The following TMEM178B variants were observed in gnomAD, a reference collection of about 807,000 sequenced individuals.
TMEM178B encodes the protein transmembrane protein 178B.
A neutral mutation model predicts 31.0 loss-of-function variants in TMEM178B; 5 were observed. The ratio of observed to expected loss-of-function variants is 0.16; its 90% confidence interval spans 0.08 to 0.34. The LOEUF is 0.34. Ranked by LOEUF, TMEM178B falls within the 10% of genes least tolerant of loss-of-function variation. The pLI is 1.00. For missense variants in TMEM178B, 275 were observed against 400.3 expected (o/e 0.69, Z 2.67); for synonymous variants, 164 against 164.0 (o/e 1.00, Z 0.00).
intron 2 of TMEM178B, among the ~76,000 whole-genome samples, chr7:141,297,796 G>T (rs770145475): frequency 5.3e-5 from 8 of 152,154 alleles, no homozygotes; most frequent in Non-Finnish European, 1.0e-4. Flanking sequence ...TTGCTATTGT[G>T]AATAGTGCTG....
intron 1 of TMEM178B, among the ~76,000 whole-genome samples, chr7:141,205,141 T>C (rs1283684120): frequency 6.6e-6 from 1 of 152,192 alleles, no homozygotes; most frequent in East Asian, 1.9e-4. Context: ...CGATAAACTC[T>C]GTCTAGTGCT....
At chr7:141,380,230 G>A (rs1422096799) in intron 2 of TMEM178B, among the ~76,000 whole-genome samples, 2 of 152,192 alleles carry the variant, frequency 1.3e-5, no homozygotes, top group African/African-American at 4.8e-5. Context: ...ATAGCTCTTA[G>A]TGAGGGACAG....
At chr7:141,085,207 G>A (rs1794761015) in intron 1 of TMEM178B, among the ~76,000 whole-genome samples, 1 of 147,868 alleles carries the variant, frequency 6.8e-6, no homozygotes, top group South Asian at 2.1e-4. Context: ...ATGTTGGCCA[G>A]GCTGGTCTCG....
chr7:141,192,567 C>G (rs374709955), intron 1 of TMEM178B, among the ~76,000 whole-genome samples: 9 of 151,626 alleles, frequency 5.9e-5, no homozygotes, highest in East Asian at 5.9e-4. Context: ...TGGCTCGTTG[C>G]CAAGCTCTTG....
intron 2 of TMEM178B, among the ~76,000 whole-genome samples, chr7:141,300,598 C>T (rs1181315316): frequency 1.3e-5 from 2 of 152,182 alleles, no homozygotes; most frequent in Non-Finnish European, 2.9e-5. Context: ...CCTTCCACCT[C>T]TTAGTTTCTC....
At chr7:141,366,548 G>T (rs913765477) in intron 2 of TMEM178B, among the ~76,000 whole-genome samples, 2 of 152,266 alleles carry the variant, frequency 1.3e-5, no homozygotes, top group East Asian at 3.9e-4. Context: ...TTGGGGAGGG[G>T]CTTCTTTGCA....
chr7:141,488,782 T>C, the TMEM178B span, among the ~76,000 whole-genome samples: 6 of 152,014 alleles, frequency 3.9e-5, no homozygotes, highest in African/African-American at 1.4e-4. Context: ...TACTGAAGAC[T>C]TTTCTGAAAC....
the TMEM178B span, among the ~76,000 whole-genome samples, chr7:141,497,580 C>T: frequency 6.6e-6 from 1 of 152,158 alleles, no homozygotes; most frequent in East Asian, 1.9e-4. Flanking sequence ...AGTCTGGTAT[C>T]ATTTTGGCTT....
At chr7:141,411,963 C>T (rs761761852) in intron 2 of TMEM178B, among the ~76,000 whole-genome samples, 3 of 152,156 alleles carry the variant, frequency 2.0e-5, no homozygotes, top group African/African-American at 4.8e-5. Flanking sequence ...AAACCGTATT[C>T]TCCCTGGGTC....
chr7:141,411,742 C>T (rs566111112), intron 2 of TMEM178B, among the ~76,000 whole-genome samples: 28 of 152,274 alleles, frequency 1.8e-4, no homozygotes, highest in African/African-American at 4.1e-4. Context: ...AAACAATCAG[C>T]GCAAACTCGC....
intron 2 of TMEM178B, among the ~76,000 whole-genome samples, chr7:141,395,496 CAG>C (rs1325987212): frequency 6.6e-6 from 1 of 152,122 alleles, no homozygotes. Flanking sequence ...GCTCAGTTTC[CAG>C]AGTTTCCTTG....
chr7:141,220,594 C>A (rs767739586), intron 2 of TMEM178B, among the ~76,000 whole-genome samples: 1 of 152,220 alleles, frequency 6.6e-6, no homozygotes, highest in Middle Eastern at 3.4e-3. Flanking sequence ...AAAACATCCA[C>A]GTCCTGAACA....
intron 1 of TMEM178B, among the ~76,000 whole-genome samples, chr7:141,159,641 G>A (rs974564310): frequency 2.0e-5 from 3 of 152,288 alleles, no homozygotes; most frequent in Admixed American, 1.3e-4. Flanking sequence ...AAATTCTGAC[G>A]CACGCTACAA....
At chr7:141,153,199 T>A (rs977477962) in intron 1 of TMEM178B, among the ~76,000 whole-genome samples, 3 of 152,258 alleles carry the variant, frequency 2.0e-5, no homozygotes, top group Non-Finnish European at 2.9e-5. Flanking sequence ...TGTGTATTTT[T>A]TTTAAACAAA....
chr7:141,384,270 G>A (rs2116592898), intron 2 of TMEM178B, among the ~76,000 whole-genome samples: 1 of 152,282 alleles, frequency 6.6e-6, no homozygotes, highest in Non-Finnish European at 1.5e-5. Flanking sequence ...TGCTTTTGGT[G>A]TTTTAGACAT....
At chr7:141,121,986 GCAT>G (rs1319081265) in intron 1 of TMEM178B, among the ~76,000 whole-genome samples, 2 of 152,102 alleles carry the variant, frequency 1.3e-5, no homozygotes, top group Non-Finnish European at 2.9e-5. Context: ...TGGGTTGCAG[GCAT>G]TTCCCCCACT....
chr7:141,406,439 T>A (rs1319879115), intron 2 of TMEM178B, among the ~76,000 whole-genome samples: 1 of 152,250 alleles, frequency 6.6e-6, no homozygotes, highest in Non-Finnish European at 1.5e-5. Context: ...CTCCCTTCAC[T>A]GCCCATAAAT....
chr7:141,208,348 G>A (rs977722155), intron 1 of TMEM178B, among the ~76,000 whole-genome samples: 1 of 152,124 alleles, frequency 6.6e-6, no homozygotes, highest in Non-Finnish European at 1.5e-5. Flanking sequence ...GGTGAAGAAG[G>A]GTTTGTCCTT....
intron 1 of TMEM178B, among the ~76,000 whole-genome samples, chr7:141,174,896 T>A (rs908276647): frequency 6.6e-6 from 1 of 152,262 alleles, no homozygotes; most frequent in African/African-American, 2.4e-5. Context: ...AAAAATTTTC[T>A]CCCATTCTGT....
Sources: gnomAD v4.1 joint callset for allele counts (sites outside exome capture counted in the v4.1 genomes callset) on GRCh38, gnomAD v4.1.1 for gene constraint, MANE v1.5 for transcripts, NCBI Gene and HGNC (gene_info 2026-07-23, HGNC 2026-07-21) for gene names.